Variants in CNTNAP5 observed in about 807,000 individuals in gnomAD.
CNTNAP5 encodes the protein contactin-associated protein-like 5.
Under a neutral mutation model 150.2 loss-of-function variants are expected in CNTNAP5, and 72 were observed. The observed-to-expected ratio is 0.48, with a 90% CI of 0.40 to 0.58. The LOEUF (loss-of-function observed/expected upper bound fraction) is 0.58, where lower values mean the gene tolerates loss of function less well. Ranked by LOEUF, CNTNAP5 falls within the 20% of genes least tolerant of loss-of-function variation. CNTNAP5 has a pLI of 0.00. For missense variants in CNTNAP5, 1,636 were observed against 1,626.2 expected, an observed-to-expected ratio of 1.01 and a Z score of -0.10; for synonymous variants, 672 against 619.8, an observed-to-expected ratio of 1.08 and a Z score of -1.25.
At chr2:124,676,566 G>A (rs1678944079) in intron 13 of CNTNAP5, among the ~76,000 whole-genome samples, 1 of 152,190 alleles carries the variant, frequency 6.6e-6, no homozygotes, top group African/African-American at 2.4e-5. Flanking sequence ...TGAGACTCTG[G>A]AAATGGAGCT....
intron 13 of CNTNAP5, among the ~76,000 whole-genome samples, chr2:124,699,792 TTTTCTTTCTTTCTTTCTC>T (rs1214070237): frequency 6.7e-6 from 1 of 149,818 alleles, no homozygotes; most frequent in East Asian, 1.9e-4. Context: ...CCTTTCTTTC[TTTTCTTTCTTTCTTTCTC>T]TTTCTTTCTT....
chr2:124,809,615 T>C (rs2104654966), intron 19 of CNTNAP5, among the ~76,000 whole-genome samples: 1 of 151,454 alleles, frequency 6.6e-6, no homozygotes, highest in South Asian at 2.1e-4. Flanking sequence ...CAATGAGAAA[T>C]AACTTTTGGA....
intron 3 of CNTNAP5, among the ~76,000 whole-genome samples, chr2:124,395,002 A>C (rs2104752338): frequency 6.7e-6 from 1 of 150,192 alleles, no homozygotes; most frequent in Non-Finnish European, 1.5e-5. Flanking sequence ...ATGCTGGGGT[A>C]AAATAGTCTT....
chr2:124,188,923 G>A (rs1685398462), intron 1 of CNTNAP5, among the ~76,000 whole-genome samples: 1 of 151,868 alleles, frequency 6.6e-6, no homozygotes, highest in Admixed American at 6.6e-5. Context: ...TTCACATCTG[G>A]GTTTCTTAAA....
chr2:124,294,690 C>T (rs1015057619), intron 3 of CNTNAP5, among the ~76,000 whole-genome samples: 2 of 152,108 alleles, frequency 1.3e-5, no homozygotes, highest in Non-Finnish European at 2.9e-5. Context: ...AAATGCTATG[C>T]GCAGCTACTG....
At chr2:124,694,975 T>C (rs1174256059) in intron 13 of CNTNAP5, among the ~76,000 whole-genome samples, 1 of 150,684 alleles carries the variant, frequency 6.6e-6, no homozygotes, top group Non-Finnish European at 1.5e-5. Flanking sequence ...TTTAGAATAC[T>C]AGTAGAATAT....
At chr2:124,247,063 T>A (rs1295703079) in intron 3 of CNTNAP5, among the ~76,000 whole-genome samples, 1 of 152,156 alleles carries the variant, frequency 6.6e-6, no homozygotes, top group Non-Finnish European at 1.5e-5. Context: ...CAATGGATTA[T>A]ACATTTTGGT....
intron 11 of CNTNAP5, among the ~76,000 whole-genome samples, chr2:124,575,318 T>G (rs937592831): frequency 6.6e-6 from 1 of 152,208 alleles, no homozygotes; most frequent in Non-Finnish European, 1.5e-5. Flanking sequence ...TTCCTAAAAG[T>G]GACTTTGATT....
chr2:124,434,392 T>C, intron 4 of CNTNAP5, 92 bp from the exon 5 acceptor site: 1 of 1,002,802 alleles, frequency 1.0e-6, no homozygotes, highest in Non-Finnish European at 1.6e-6. Flanking sequence ...AGAACATTTC[T>C]GTGAACTGGA....
chr2:124,221,573 C>G, intron 1 of CNTNAP5, 132 bp from the exon 2 acceptor site: 1 of 614,108 alleles, frequency 1.6e-6, no homozygotes, highest in East Asian at 2.9e-5. Context: ...ACATGGAAAC[C>G]GGGAGTACCT....
At chr2:124,258,646 C>T (rs537339386) in intron 3 of CNTNAP5, among the ~76,000 whole-genome samples, 17 of 152,212 alleles carry the variant, frequency 1.1e-4, no homozygotes, top group Middle Eastern at 6.8e-3. Flanking sequence ...AGTGCATATG[C>T]AATCCTCTAG....
At chr2:124,366,228 C>T (rs2104721317) in intron 3 of CNTNAP5, among the ~76,000 whole-genome samples, 1 of 152,220 alleles carries the variant, frequency 6.6e-6, no homozygotes, top group South Asian at 2.1e-4. Context: ...GAGGTTACTG[C>T]AAGACTCAAA....
intron 12 of CNTNAP5, among the ~76,000 whole-genome samples, chr2:124,614,887 C>T (rs1334969287): frequency 3.3e-5 from 5 of 152,012 alleles, no homozygotes; most frequent in African/African-American, 9.7e-5. Context: ...CTATTCAAGA[C>T]GGAGTCACTC....
At chr2:124,785,209 C>T (rs145418433) in intron 17 of CNTNAP5, among the ~76,000 whole-genome samples, 85 of 152,130 alleles carry the variant, frequency 5.6e-4, no homozygotes, top group African/African-American at 2.0e-3. Flanking sequence ...AAATTAAATA[C>T]TTGCAGTGGC....
intron 3 of CNTNAP5, among the ~76,000 whole-genome samples, chr2:124,378,935 T>C (rs982737519): frequency 1.3e-5 from 2 of 152,166 alleles, no homozygotes; most frequent in African/African-American, 4.8e-5. Context: ...GATTGCTTTC[T>C]CCAATGCCCT....
intron 13 of CNTNAP5, among the ~76,000 whole-genome samples, chr2:124,692,686 T>G (rs1679322719): frequency 6.6e-6 from 1 of 152,162 alleles, no homozygotes; most frequent in South Asian, 2.1e-4. Context: ...TCCCCCTTTC[T>G]TACTAATTTT....
intron 10 of CNTNAP5, among the ~76,000 whole-genome samples, chr2:124,549,987 C>A (rs1695593658): frequency 6.6e-6 from 1 of 152,164 alleles, no homozygotes; most frequent in Non-Finnish European, 1.5e-5. Flanking sequence ...CCTGAGCAGA[C>A]CTGATAATAC....
chr2:124,660,623 C>T (rs1678567831), intron 13 of CNTNAP5, among the ~76,000 whole-genome samples: 1 of 144,986 alleles, frequency 6.9e-6, no homozygotes, highest in Non-Finnish European at 1.5e-5. Context: ...TTTTTTATAC[C>T]AAATCTTCAA....
intron 11 of CNTNAP5, among the ~76,000 whole-genome samples, chr2:124,609,587 AAG>A (rs889734115): frequency 4.0e-5 from 6 of 151,546 alleles, no homozygotes; most frequent in Admixed American, 1.3e-4. Flanking sequence ...TAATAATAAA[AAG>A]AGAGAGAGAG....
Sources: allele counts gnomAD v4.1 joint callset (sites outside exome capture counted in the v4.1 genomes callset), GRCh38; gene constraint gnomAD v4.1.1; transcripts MANE v1.5; gene names NCBI Gene and HGNC (gene_info 2026-07-23, HGNC 2026-07-21).